Variants in RERE observed in about 807,000 individuals in gnomAD.
RERE encodes the protein arginine-glutamic acid dipeptide repeats protein.
In RERE, 40 loss-of-function variants were observed where a neutral mutation model predicts 146.1. The observed-to-expected ratio is 0.27, with a 90% CI of 0.21 to 0.36. The LOEUF (loss-of-function observed/expected upper bound fraction) is 0.36, where lower values mean the gene tolerates loss of function less well. RERE is among the 10% of genes least tolerant of loss of function. RERE has a pLI of 1.00. For missense variants in RERE, 1,933 were observed against 2,138.7 expected, an observed-to-expected ratio of 0.90 and a Z score of 1.90; for synonymous variants, 1,003 against 866.0, an observed-to-expected ratio of 1.16 and a Z score of -2.78.
chr1:8,356,274 A>C lies in RERE; in HGVS notation c.4340-28T>G, dbSNP rs777310309. 8.6e-6 allele frequency: 13 copies of C among 1,504,170 alleles called. No individual in the cohort carries two copies. In the African/African-American group the frequency reaches 1.9e-4, roughly 22 times the overall value. The allele number at this position is 1,504,170 out of a possible 1,614,324, so 93.2% of individuals were successfully genotyped here. On this transcript the variant is annotated intron_variant, in intron 20 of 22. Transcript: ENST00000400908. The surrounding 1 kb of genome is among the most constrained non-coding windows in gnomAD (Gnocchi z 5.2). ...AAGGAAAGGACAAAACGCCAGATGG[A>C]GGCGGTGTGCAGCTCTTCAATGTTT...
At chr1:8,615,739 T>G (rs1646845212) in intron 3 of RERE, among the ~76,000 whole-genome samples, 1 of 152,286 alleles carries the variant, frequency 6.6e-6, no homozygotes, top group Non-Finnish European at 1.5e-5. Context: ...GATTTTAATA[T>G]ATTTCATTAT....
intron 9 of RERE, among the ~76,000 whole-genome samples, chr1:8,496,574 T>C (rs751087277): frequency 1.7e-4 from 26 of 152,146 alleles, no homozygotes; most frequent in Non-Finnish European, 2.8e-4. Context: ...GCCCTAATCC[T>C]TGCTTTCATG....
chr1:8,363,800 G>A (rs907286104), intron 15 of RERE: 1 of 545,818 alleles, frequency 1.8e-6, no homozygotes, highest in Non-Finnish European at 3.3e-6. Context: ...GGGCCTTGGA[G>A]AGCCTGCACT....
intron 1 of RERE, among the ~76,000 whole-genome samples, chr1:8,720,918 T>C (rs543476983): frequency 3.3e-5 from 5 of 152,174 alleles, no homozygotes; most frequent in Admixed American, 3.3e-4. Context: ...TAGCCAGACA[T>C]GGTGATGCAC....
At position 8,470,470 on chromosome 1, in the gene RERE, C is replaced by T. The variant is rs191765869; in HGVS notation, c.1105-4447G>A. On this transcript the variant is annotated intron_variant, in intron 10 of 22. Transcript: ENST00000400908. ...TAGAGATGGGGTTTCGCCAAGTTGG[C>T]CAGGCTGGTCTTGAACTGACCTCAG... Among the ~76,000 whole-genome samples, 8 of 152,154 alleles carry T rather than the reference C, an allele frequency of 5.3e-5. No individual in the cohort carries two copies. In the East Asian group the frequency reaches 1.4e-3, roughly 26 times the overall value.
intron 2 of RERE, among the ~76,000 whole-genome samples, chr1:8,636,942 C>G (rs1351538331): frequency 1.3e-5 from 2 of 152,124 alleles, no homozygotes. Context: ...TATTTTCGGC[C>G]ACTTTACTCA....
At chr1:8,605,200 T>C (rs1316924606) in intron 4 of RERE, among the ~76,000 whole-genome samples, 2 of 152,184 alleles carry the variant, frequency 1.3e-5, no homozygotes, top group Non-Finnish European at 2.9e-5. Context: ...TGCGATGGCA[T>C]GATCTCACTG....
chr1:8,361,073 G>A lies in RERE; in HGVS notation c.2434C>T (p.Pro812Ser). 3 of 1,439,506 alleles carry A rather than the reference G, an allele frequency of 2.1e-6. No individual in the cohort carries two copies. The highest frequency in any genetic ancestry group is 2.7e-6 in the Non-Finnish European group (3 of 1,101,536). The allele number at this position is 1,439,506 out of a possible 1,614,324, so 89.2% of individuals were successfully genotyped here. The change falls in exon 18 of 23, where the codon CCC (proline) becomes TCC (serine). Residue 812 changes from proline (P) to serine (S), a missense_variant. This residue lies in a region of RERE where 1,255 missense variants were observed against 1,153.8 expected (regional missense o/e 1.09). Coordinates refer to ENST00000400908, the MANE Select transcript of RERE (RefSeq NM_001042681.2). ...QAPALHPQRP[P>S]SPHPPPHPSP... ...GGATGCGGCGGGGGATGCGGTGAGG[G>A]CGGCCGCTGGGGGTGCAAGGCCGGT...
chr1:8,574,189 T>C (rs1439862734), intron 4 of RERE, among the ~76,000 whole-genome samples: 1 of 152,150 alleles, frequency 6.6e-6, no homozygotes, highest in Non-Finnish European at 1.5e-5. Flanking sequence ...ACAGACTATT[T>C]AGAAGAATCT....
chr1:8,551,708 T>C (rs559879709), intron 6 of RERE, among the ~76,000 whole-genome samples: 135 of 152,296 alleles, frequency 8.9e-4, no homozygotes, highest in African/African-American at 3.2e-3. Context: ...CTCCTTACCA[T>C]ACTGGATGTG....
chr1:8,426,458 A>G (rs1644014838), intron 11 of RERE, among the ~76,000 whole-genome samples: 1 of 151,964 alleles, frequency 6.6e-6, no homozygotes, highest in Non-Finnish European at 1.5e-5. Context: ...TCAAAAAAAA[A>G]AAAAAAAAAA....
intron 7 of RERE, chr1:8,526,039 C>G (rs1205120374): frequency 1.6e-6 from 2 of 1,240,002 alleles, no homozygotes; most frequent in African/African-American, 1.6e-5. Flanking sequence ...CGCAATCAAT[C>G]TCAACCCTGC....
chr1:8,489,274 T>G (rs1644944663), intron 10 of RERE, among the ~76,000 whole-genome samples: 3 of 151,842 alleles, frequency 2.0e-5, no homozygotes, highest in Non-Finnish European at 1.5e-5. Flanking sequence ...GCAGGAGGAT[T>G]GCTTGAGCTC....
chr1:8,639,173 C>T (rs1030439528), intron 2 of RERE, among the ~76,000 whole-genome samples: 1 of 152,084 alleles, frequency 6.6e-6, no homozygotes, highest in African/African-American at 2.4e-5. Context: ...TAAAAATGGA[C>T]CACGCTTAAT....
chr1:8,433,132 C>T (rs1222817122), intron 11 of RERE, among the ~76,000 whole-genome samples: 1 of 152,198 alleles, frequency 6.6e-6, no homozygotes, highest in Non-Finnish European at 1.5e-5. Flanking sequence ...TAAATAACTA[C>T]ATCCCCCGTA....
intron 1 of RERE, among the ~76,000 whole-genome samples, chr1:8,698,962 T>C (rs1484449855): frequency 2.6e-5 from 4 of 152,254 alleles, no homozygotes; most frequent in African/African-American, 9.6e-5. Context: ...CCTGTCACTC[T>C]GGCTGGAGTG....
intron 1 of RERE, among the ~76,000 whole-genome samples, chr1:8,810,021 T>A (rs910603300): frequency 4.6e-5 from 7 of 151,928 alleles, no homozygotes; most frequent in Admixed American, 1.3e-4. Flanking sequence ...GTTGTTGTTG[T>A]TTGAGACAGA....
intron 11 of RERE, among the ~76,000 whole-genome samples, chr1:8,437,694 C>G (rs536075657): frequency 1.1e-4 from 17 of 152,250 alleles, no homozygotes; most frequent in African/African-American, 3.9e-4. Context: ...CACACACAAA[C>G]AGATTAGATC....
At chr1:8,773,723 C>T (rs1448403734) in intron 1 of RERE, among the ~76,000 whole-genome samples, 1 of 152,096 alleles carries the variant, frequency 6.6e-6, no homozygotes, top group African/African-American at 2.4e-5. Context: ...ACTTGGGAGG[C>T]TGAGGCAGGA....
Sources: allele counts gnomAD v4.1 joint callset (sites outside exome capture counted in the v4.1 genomes callset), GRCh38; gene constraint gnomAD v4.1.1; regional missense constraint gnomAD v4.1.1; non-coding constraint Gnocchi (gnomAD v3.1); transcripts MANE v1.5; gene names NCBI Gene and HGNC (gene_info 2026-07-23, HGNC 2026-07-21).